The following LPP variants were observed in gnomAD, a reference collection of about 807,000 sequenced individuals.
LPP encodes lipoma-preferred partner.
A neutral mutation model predicts 60.4 loss-of-function variants in LPP; 38 were observed. The ratio of observed to expected loss-of-function variants is 0.63; its 90% CI spans 0.49 to 0.83. LPP has a LOEUF of 0.83. Among genes scored for constraint, LPP ranks in the 40% least tolerant of loss-of-function variants. LPP has a pLI of 0.00. For synonymous variants in LPP, 328 were observed against 290.8 expected, an observed-to-expected ratio of 1.13 and a Z score of -1.30; for missense variants, 902 against 783.6, an observed-to-expected ratio of 1.15 and a Z score of -1.80.
intron 1 of LPP, among the ~76,000 whole-genome samples, chr3:188,216,852 T>C (rs1465381852): frequency 1.3e-5 from 2 of 152,224 alleles, no homozygotes; most frequent in African/African-American, 2.4e-5. Context: ...CAATGTGTAT[T>C]TGACTCCAAA....
intron 2 of LPP, among the ~76,000 whole-genome samples, chr3:188,240,813 A>T (rs1230960284): frequency 6.6e-6 from 1 of 152,266 alleles, no homozygotes; most frequent in East Asian, 1.9e-4. Context: ...ACCTGAGCAG[A>T]CACACGAGCA....
intron 1 of LPP, among the ~76,000 whole-genome samples, chr3:188,188,360 T>A (rs1316415046): frequency 6.6e-6 from 1 of 152,220 alleles, no homozygotes; most frequent in Admixed American, 6.5e-5. Context: ...TTGGGACTTA[T>A]TGCAAAGTTG....
intron 4 of LPP, among the ~76,000 whole-genome samples, chr3:188,476,740 G>C (rs1380411036): frequency 1.3e-5 from 2 of 152,080 alleles, no homozygotes; most frequent in Non-Finnish European, 2.9e-5. Flanking sequence ...AAATAGAAAG[G>C]TTAATTTTTC....
At chr3:188,559,592 G>A (rs147674170) in intron 6 of LPP, among the ~76,000 whole-genome samples, 695 of 152,042 alleles carry the variant, frequency 4.6e-3, no homozygotes, top group Middle Eastern at 6.8e-3. Flanking sequence ...TTCCGTGTTC[G>A]TAGAGTCAAT....
chr3:188,361,994 T>C lies in LPP; in HGVS notation c.-10+20275T>C, dbSNP rs758408473. On this transcript the variant is annotated intron_variant, in intron 3 of 11. Coordinates refer to ENST00000617246, the MANE Select transcript of LPP (RefSeq NM_001375462.1). ...TTTCCTCCCAGAGTTCACTGTTCAA[T>C]AGGGGACACAAACACATAAATAACT... Among the ~76,000 whole-genome samples, 40 of 152,100 alleles carry C rather than the reference T, an allele frequency of 2.6e-4. 1 individual carries two copies. The highest frequency in any genetic ancestry group is 4.6e-4 in the Non-Finnish European group (31 of 68,020).
intron 7 of LPP, among the ~76,000 whole-genome samples, chr3:188,662,805 AT>A (rs1217560711): frequency 2.0e-5 from 3 of 152,380 alleles, no homozygotes; most frequent in Admixed American, 6.5e-5. Flanking sequence ...TCTCAAAGCC[AT>A]GTGACTCTCC....
At chr3:188,390,010 A>G (rs1779326433) in intron 3 of LPP, among the ~76,000 whole-genome samples, 2 of 152,112 alleles carry the variant, frequency 1.3e-5, no homozygotes, top group Non-Finnish European at 2.9e-5. Context: ...TAAAACTGAG[A>G]AAGTGGTAAA....
At chr3:188,205,894 A>G (rs1035719650) in intron 1 of LPP, among the ~76,000 whole-genome samples, 2 of 152,190 alleles carry the variant, frequency 1.3e-5, no homozygotes, top group African/African-American at 4.8e-5. Context: ...AGCCAACCTG[A>G]GTCGCTCTGC....
rs746605649 is a variant in LPP, at chr3:188,609,140, T to A, written c.430-21T>A. ...AGTAATTTTTGCTTTCTTTCTTTCT[T>A]TTTTTTCCTATTCTTTTTAGAGCTC... On this transcript the variant is annotated intron_variant, in intron 6 of 11. Transcript: ENST00000617246. This position sits in a 1 kb window ranked among gnomAD's most constrained non-coding sequence, Gnocchi z 6.9. The A allele has an allele frequency of 6.5e-7, 1 of 1,541,134 alleles. No individual in the cohort carries two copies. The highest frequency in any genetic ancestry group is 1.4e-5 in the African/African-American group (1 of 71,740).
chr3:188,183,408 T>C (rs568076595), intron 1 of LPP, among the ~76,000 whole-genome samples: 3 of 152,240 alleles, frequency 2.0e-5, no homozygotes, highest in East Asian at 3.9e-4. Context: ...GCAGCACCTG[T>C]AAAGGCAGGT....
chr3:188,391,121 G>A (rs893386678), intron 3 of LPP, among the ~76,000 whole-genome samples: 4 of 152,196 alleles, frequency 2.6e-5, no homozygotes, highest in African/African-American at 9.7e-5. Flanking sequence ...ACTCATCTGT[G>A]GAGGTGTGGA....
chr3:188,165,131 G>A (rs1719546358), intron 1 of LPP, among the ~76,000 whole-genome samples: 1 of 151,992 alleles, frequency 6.6e-6, no homozygotes, highest in Non-Finnish European at 1.5e-5. Flanking sequence ...AAAAAAATTA[G>A]CCAGTGTGGT....
intron 8 of LPP, among the ~76,000 whole-genome samples, chr3:188,744,956 T>G (rs568071740): frequency 6.6e-6 from 1 of 152,130 alleles, no homozygotes; most frequent in South Asian, 2.1e-4. Flanking sequence ...TCTCTGTTAA[T>G]TGGCTTTTCC....
intron 2 of LPP, among the ~76,000 whole-genome samples, chr3:188,268,952 A>C (rs934824906): frequency 3.3e-5 from 5 of 152,258 alleles, no homozygotes; most frequent in African/African-American, 1.2e-4. Context: ...AGAAATATAG[A>C]GAAGATAAAT....
intron 6 of LPP, among the ~76,000 whole-genome samples, chr3:188,532,084 GA>G (rs944232830): frequency 2.0e-5 from 3 of 152,132 alleles, no homozygotes; most frequent in South Asian, 2.1e-4. Flanking sequence ...GTTGATGTAT[GA>G]AAAAAACCCT....
intron 2 of LPP, among the ~76,000 whole-genome samples, chr3:188,265,822 T>C (rs1318312358): frequency 2.0e-5 from 3 of 151,204 alleles, no homozygotes; most frequent in Non-Finnish European, 4.4e-5. Context: ...TGGTAATCAG[T>C]AAGGAGCTGT....
chr3:188,505,218 T>G (rs946774903), intron 5 of LPP, among the ~76,000 whole-genome samples: 1 of 152,214 alleles, frequency 6.6e-6, no homozygotes, highest in Admixed American at 6.5e-5. Context: ...AAGACAGATT[T>G]GTGGTGCCTC....
In LPP at chr3:188,872,707, A is replaced by ACTGTC; in HGVS notation, c.1656_1660dup (p.Arg554LeufsTer53). On this transcript the variant is annotated frameshift_variant, in exon 11 of 12. Transcript: ENST00000617246. LOFTEE classifies it high-confidence loss of function. The stretch of plus-strand genomic sequence containing the variant: ...TATGCCAGCCCCGGGCCAGGAGGAG[A>ACTGTC]CTGTCCGTATTGTGGCTTTGGATCG... 6.2e-7 allele frequency: 1 copy of ACTGTC among 1,614,068 alleles called. No individual in the cohort carries two copies. Among genetic ancestry groups the ACTGTC allele is most frequent in the Non-Finnish European group, 8.5e-7 (1 of 1,180,002 alleles).
chr3:188,646,068 T>A (rs1851055860), intron 7 of LPP, among the ~76,000 whole-genome samples: 1 of 152,198 alleles, frequency 6.6e-6, no homozygotes, highest in Non-Finnish European at 1.5e-5. Flanking sequence ...TTGTTATATG[T>A]CCTTACCTGT....
Sources: gnomAD v4.1 joint callset for allele counts (sites outside exome capture counted in the v4.1 genomes callset) on GRCh38, gnomAD v4.1.1 for gene constraint, Gnocchi (gnomAD v3.1) non-coding constraint, MANE v1.5 for transcripts, NCBI Gene and HGNC (gene_info 2026-07-23, HGNC 2026-07-21) for gene names.